Variants in ATP13A4 observed in about 807,000 individuals in gnomAD.
ATP13A4 encodes probable cation-transporting ATPase 13A4.
ATP13A4 carries 114 observed loss-of-function variants against 142.5 expected under a neutral mutation model. That is an observed-to-expected ratio of 0.80 (90% CI 0.69 to 0.93). The LOEUF (loss-of-function observed/expected upper bound fraction) is 0.93, where lower values mean the gene tolerates loss of function less well. ATP13A4 is among the 40% of genes least tolerant of loss of function. The pLI is 0.00. For missense variants in ATP13A4, 1,392 were observed against 1,454.0 expected, an observed-to-expected ratio of 0.96 and a Z score of 0.69; for synonymous variants, 488 against 514.8, an observed-to-expected ratio of 0.95 and a Z score of 0.70.
At chr3:193,582,576 A>G (rs529137161) in intron 1 of ATP13A4, among the ~76,000 whole-genome samples, 3 of 132,498 alleles carry the variant, frequency 2.3e-5, no homozygotes, top group Non-Finnish European at 4.6e-5. Flanking sequence ...TACATATAAT[A>G]TATATTACAT....
At chr3:193,445,949 GGTCTGAA>G (rs1385951746) in intron 18 of ATP13A4, among the ~76,000 whole-genome samples, 1 of 136,558 alleles carries the variant, frequency 7.3e-6, no homozygotes, top group Non-Finnish European at 1.5e-5. Context: ...CTGAGATTGT[GGTCTGAA>G]CAAACTGGGT....
chr3:193,541,816 C>T (rs1722947037), intron 1 of ATP13A4, among the ~76,000 whole-genome samples: 1 of 152,152 alleles, frequency 6.6e-6, no homozygotes, highest in African/African-American at 2.4e-5. Flanking sequence ...ATGATTCAGT[C>T]AGAGCCAGTG....
At chr3:193,447,105 AG>A (rs1188197073) in intron 18 of ATP13A4, among the ~76,000 whole-genome samples, 1 of 152,208 alleles carries the variant, frequency 6.6e-6, no homozygotes, top group Non-Finnish European at 1.5e-5. Flanking sequence ...ATGAGAAAAG[AG>A]GAAGTAAAGA....
intron 2 of ATP13A4, among the ~76,000 whole-genome samples, chr3:193,512,211 G>A (rs146147094): frequency 2.6e-5 from 4 of 152,226 alleles, no homozygotes; most frequent in East Asian, 1.9e-4. Context: ...GTTAAATTAC[G>A]TTCATGCCAG....
chr3:193,489,578 G>A, intron 7 of ATP13A4, 152 bp downstream of exon 7: 1 of 763,442 alleles, frequency 1.3e-6, no homozygotes, highest in Admixed American at 2.3e-5. Context: ...CTAAATTGTT[G>A]AACACTGGTT....
At chr3:193,505,844 T>C (rs1367213686) in intron 2 of ATP13A4, among the ~76,000 whole-genome samples, 1 of 152,220 alleles carries the variant, frequency 6.6e-6, no homozygotes, top group Non-Finnish European at 1.5e-5. Context: ...TTGTCCAATA[T>C]GGCAAGAGCA....
At chr3:193,584,640 A>G (rs1314577432) in intron 1 of ATP13A4, among the ~76,000 whole-genome samples, 1 of 150,916 alleles carries the variant, frequency 6.6e-6, no homozygotes, top group Non-Finnish European at 1.5e-5. Flanking sequence ...AAAAAAAGAT[A>G]CATTTTAAAA....
chr3:193,575,885 G>T (rs1724380737), intron 2 of ATP13A4, among the ~76,000 whole-genome samples: 2 of 152,164 alleles, frequency 1.3e-5, no homozygotes, highest in Admixed American at 1.3e-4. Context: ...TAGACATAGT[G>T]ATTTTCAACC....
intron 29 of ATP13A4, among the ~76,000 whole-genome samples, chr3:193,406,246 T>C (rs9827944): frequency 0.16 from 24,773 of 152,144 alleles, 2,260 homozygotes; most frequent in African/African-American, 0.24. Flanking sequence ...ACTGAAATTC[T>C]GTGTCCTGTT....
intron 1 of ATP13A4, among the ~76,000 whole-genome samples, chr3:193,520,953 C>T (rs1460069326): frequency 6.6e-6 from 1 of 152,142 alleles, no homozygotes; most frequent in Non-Finnish European, 1.5e-5. Context: ...GTCATTGACT[C>T]CCAGTTTCTC....
intron 3 of ATP13A4, among the ~76,000 whole-genome samples, chr3:193,500,501 G>C (rs1560235755): frequency 1.3e-5 from 2 of 152,146 alleles, no homozygotes; most frequent in African/African-American, 4.8e-5. Flanking sequence ...GGGATGCGGT[G>C]ATGGTTTCGG....
chr3:193,460,811 C>G (rs963507456), intron 13 of ATP13A4, among the ~76,000 whole-genome samples: 1 of 152,160 alleles, frequency 6.6e-6, no homozygotes, highest in African/African-American at 2.4e-5. Context: ...CATTCCTGTC[C>G]ACCCATTTTT....
At chr3:193,560,718 C>A (rs1723997015) in intron 2 of ATP13A4, among the ~76,000 whole-genome samples, 1 of 152,206 alleles carries the variant, frequency 6.6e-6, no homozygotes, top group South Asian at 2.1e-4. Context: ...GCATTGGGCC[C>A]ACCCACTGGG....
intron 1 of ATP13A4, among the ~76,000 whole-genome samples, chr3:193,586,785 G>A (rs1477911242): frequency 1.3e-5 from 2 of 152,170 alleles, no homozygotes; most frequent in African/African-American, 4.8e-5. Flanking sequence ...TTGAGGTAGG[G>A]TAGGTTTATA....
At chr3:193,433,347 A>T (rs28627916) in intron 25 of ATP13A4, among the ~76,000 whole-genome samples, 2 of 152,184 alleles carry the variant, frequency 1.3e-5, no homozygotes, top group African/African-American at 2.4e-5. Flanking sequence ...AAATAAAAAA[A>T]TTTTCCATTG....
intron 17 of ATP13A4, among the ~76,000 whole-genome samples, chr3:193,452,803 T>C (rs1195244210): frequency 6.7e-6 from 1 of 149,452 alleles, no homozygotes; most frequent in Admixed American, 6.7e-5. Context: ...AATATTATCT[T>C]ATATTAAACA....
intron 1 of ATP13A4, among the ~76,000 whole-genome samples, chr3:193,522,283 C>T (rs972344270): frequency 1.3e-5 from 2 of 152,220 alleles, no homozygotes; most frequent in African/African-American, 4.8e-5. Flanking sequence ...AGGTAAGACC[C>T]TGCCCTGTAG....
intron 2 of ATP13A4, 104 bp from the exon 3 acceptor site, chr3:193,502,743 G>T: frequency 8.1e-7 from 1 of 1,233,720 alleles, no homozygotes; most frequent in Non-Finnish European, 1.2e-6. Context: ...AGTGTTTGGC[G>T]TTAGTGAATA....
intron 28 of ATP13A4, among the ~76,000 whole-genome samples, chr3:193,407,843 C>A (rs1714579967): frequency 6.6e-6 from 1 of 152,232 alleles, no homozygotes; most frequent in East Asian, 1.9e-4. Context: ...AACTGGGCAG[C>A]ATTGCCCTCT....
Sources: allele counts gnomAD v4.1 joint callset (sites outside exome capture counted in the v4.1 genomes callset), GRCh38; gene constraint gnomAD v4.1.1; transcripts MANE v1.5; gene names NCBI Gene and HGNC (gene_info 2026-07-23, HGNC 2026-07-21).